The following POU6F2 variants were observed in gnomAD, a reference collection of about 807,000 sequenced individuals.
The protein encoded by POU6F2 is POU class 6 homeobox 2.
A neutral mutation model predicts 71.3 loss-of-function variants in POU6F2; 31 were observed. That is an observed-to-expected ratio of 0.43 (90% CI 0.33 to 0.59). The LOEUF is 0.59. POU6F2 is among the 20% of genes least tolerant of loss of function. POU6F2 has a pLI of 0.04. For missense variants in POU6F2, 783 were observed against 856.8 expected (o/e 0.91, Z 1.07); for synonymous variants, 347 against 355.7 (o/e 0.98, Z 0.27).
intron 1 of POU6F2, among the ~76,000 whole-genome samples, chr7:39,009,482 A>G (rs904832586): frequency 1.3e-5 from 2 of 152,116 alleles, no homozygotes; most frequent in African/African-American, 4.8e-5. Context: ...GGACAATCTG[A>G]CTTCTTCTTT....
At chr7:39,141,949 G>T (rs868475470) in intron 2 of POU6F2, among the ~76,000 whole-genome samples, 4 of 151,964 alleles carry the variant, frequency 2.6e-5, no homozygotes, top group African/African-American at 9.7e-5. Context: ...TAGCCAGGTG[G>T]GGTGGCCCAC....
At position 39,190,669 on chromosome 7, in the gene POU6F2, G is replaced by C. The variant is rs1031630034; in HGVS notation, c.278-13566G>C. ...TTTTTTTTTTTTTTGATGGAGTCTC[G>C]CTCTGTCACCCAGGCTGGAGTGTAA... is the stretch of plus-strand genomic sequence containing the variant. On this transcript the variant is annotated intron_variant, in intron 2 of 9. Transcript: ENST00000518318. Among the ~76,000 whole-genome samples the C allele has an allele frequency of 4.2e-5, 5 of 119,314 alleles. No individual in the cohort carries two copies. In the Admixed American group the frequency reaches 5.9e-4, roughly 14 times the overall value. The allele number at this position is 119,314 out of a possible 152,430, so 78.3% of individuals were successfully genotyped here.
intron 6 of POU6F2, among the ~76,000 whole-genome samples, chr7:39,427,856 C>G (rs1788009190): frequency 6.6e-6 from 1 of 152,220 alleles, no homozygotes; most frequent in African/African-American, 2.4e-5. Context: ...TGTGGCCTAT[C>G]AGATGACTTG....
At chr7:39,307,135 G>A (rs142767751) in intron 4 of POU6F2, among the ~76,000 whole-genome samples, 1 of 152,204 alleles carries the variant, frequency 6.6e-6, no homozygotes, top group East Asian at 1.9e-4. Flanking sequence ...TGCAGTGACT[G>A]TTACACATTT....
intron 4 of POU6F2, among the ~76,000 whole-genome samples, chr7:39,279,496 A>C (rs181515735): frequency 6.6e-6 from 1 of 152,298 alleles, no homozygotes; most frequent in East Asian, 1.9e-4. Context: ...AGTTCCACAA[A>C]CTGGGTGGCC....
At chr7:39,074,437 G>A (rs1271188888) in intron 1 of POU6F2, among the ~76,000 whole-genome samples, 2 of 151,696 alleles carry the variant, frequency 1.3e-5, no homozygotes, top group Admixed American at 1.3e-4. Context: ...CCGAGATCAC[G>A]CCACTGCACT....
chr7:39,383,625 T>C (rs1310730967), intron 5 of POU6F2, among the ~76,000 whole-genome samples: 8 of 152,074 alleles, frequency 5.3e-5, no homozygotes, highest in Admixed American at 5.2e-4. Context: ...GCTTAACCAT[T>C]GACCAAAACC....
intron 4 of POU6F2, among the ~76,000 whole-genome samples, chr7:39,208,361 GCCTGCTA>G (rs1455293966): frequency 2.0e-5 from 3 of 152,168 alleles, no homozygotes; most frequent in African/African-American, 7.2e-5. Context: ...TAAATAGGAT[GCCTGCTA>G]AAGAGAAAAT....
chr7:39,308,127 A>G (rs1785081991), intron 4 of POU6F2, among the ~76,000 whole-genome samples: 1 of 152,162 alleles, frequency 6.6e-6, no homozygotes, highest in Non-Finnish European at 1.5e-5. Flanking sequence ...AGGACTTTCT[A>G]CACCAAGATA....
intron 1 of POU6F2, among the ~76,000 whole-genome samples, chr7:39,024,270 G>T (rs1789747175): frequency 6.6e-6 from 1 of 151,662 alleles, no homozygotes; most frequent in Non-Finnish European, 1.5e-5. Context: ...TGAAGCAATT[G>T]TGAATGGGAG....
chr7:39,156,371 A>G (rs1271162406), intron 2 of POU6F2, among the ~76,000 whole-genome samples: 1 of 152,264 alleles, frequency 6.6e-6, no homozygotes, highest in Admixed American at 6.5e-5. Flanking sequence ...GCAATTTCAC[A>G]TGTTTTTTTC....
intron 3 of POU6F2, 65 bp from the exon 4 acceptor site, chr7:39,207,327 A>G: frequency 6.8e-7 from 1 of 1,461,560 alleles, no homozygotes; most frequent in Non-Finnish European, 9.4e-7. Context: ...TGGAAAGAAG[A>G]TGTTTTTAAA....
chr7:39,410,520 G>A (rs535524670), intron 6 of POU6F2, among the ~76,000 whole-genome samples: 52 of 152,286 alleles, frequency 3.4e-4, no homozygotes, highest in African/African-American at 7.2e-4. Context: ...TGCAAGTGTG[G>A]CAGGTGGGCA....
At chr7:39,218,041 C>G (rs1374954803) in intron 4 of POU6F2, among the ~76,000 whole-genome samples, 2 of 152,132 alleles carry the variant, frequency 1.3e-5, no homozygotes, top group Non-Finnish European at 2.9e-5. Context: ...ATGTGATCCC[C>G]AGTTTGCACA....
At chr7:39,108,215 A>T (rs1228423552) in intron 2 of POU6F2, among the ~76,000 whole-genome samples, 1 of 152,056 alleles carries the variant, frequency 6.6e-6, no homozygotes, top group Non-Finnish European at 1.5e-5. Context: ...CTTGGCATGG[A>T]GTGTCTAGAT....
chr7:39,012,900 G>C (rs557276814), intron 1 of POU6F2, among the ~76,000 whole-genome samples: 6 of 151,696 alleles, frequency 4.0e-5, no homozygotes, highest in Non-Finnish European at 8.8e-5. Flanking sequence ...CTCCAGCTGC[G>C]TGCTGGGAGA....
At chr7:39,284,863 C>T (rs181307136) in intron 4 of POU6F2, among the ~76,000 whole-genome samples, 5 of 152,188 alleles carry the variant, frequency 3.3e-5, no homozygotes, top group Admixed American at 6.5e-5. Context: ...TATAAGATGC[C>T]CAAATATCTG....
intron 4 of POU6F2, among the ~76,000 whole-genome samples, chr7:39,253,593 A>G (rs527713216): frequency 2.0e-4 from 31 of 152,330 alleles, no homozygotes; most frequent in African/African-American, 7.0e-4. Context: ...ACAGCTGATC[A>G]CTGCTGCCCA....
rs763027649 is a variant in POU6F2, at chr7:39,464,413, G to A, written c.1890G>A (p.Gly630=). 1.2e-6 allele frequency: 2 copies of A among 1,613,902 alleles called. No homozygotes were observed. Residue 630 remains glycine, a synonymous_variant, in exon 10 of 10, where the codon GGG becomes GGA. Transcript: ENST00000518318. The surrounding 1 kb of genome is among the most constrained non-coding windows in gnomAD (Gnocchi z 4.1). The part of the protein sequence containing the change: ...AGMQNLTEFI[G]SEPSKKRKRR... Reference sequence around the variant, plus strand: ...TGCAGAACCTGACCGAGTTTATCGGGAGTGAACCATCCAAAAAGCGCAAGC... The same window carrying A: ...TGCAGAACCTGACCGAGTTTATCGGAAGTGAACCATCCAAAAAGCGCAAGC...
Sources: allele counts gnomAD v4.1 joint callset (sites outside exome capture counted in the v4.1 genomes callset), GRCh38; gene constraint gnomAD v4.1.1; non-coding constraint Gnocchi (gnomAD v3.1); transcripts MANE v1.5; gene names NCBI Gene and HGNC (gene_info 2026-07-23, HGNC 2026-07-21).